Variants in VCL observed in about 807,000 individuals in gnomAD.
The protein encoded by VCL is vinculin, also known as epididymis luminal protein 114.
In VCL, 47 loss-of-function variants were observed where a neutral mutation model predicts 125.7. That is an observed-to-expected ratio of 0.37 (90% confidence interval 0.30 to 0.48). The LOEUF (loss-of-function observed/expected upper bound fraction) is 0.48. Among genes scored for constraint, VCL ranks in the 20% least tolerant of loss-of-function variants. The pLI, the probability that VCL is intolerant of heterozygous loss-of-function variation, is 0.99. For missense variants in VCL, 1,069 were observed against 1,455.5 expected (o/e 0.73, Z 4.32); for synonymous variants, 458 against 514.6 (o/e 0.89, Z 1.49).
At chr10:74,017,662 C>T (rs1293816955) in intron 1 of VCL, among the ~76,000 whole-genome samples, 1 of 151,742 alleles carries the variant, frequency 6.6e-6, no homozygotes, top group Non-Finnish European at 1.5e-5. Context: ...AAGCCATCCT[C>T]CCACCTCAGC....
intron 1 of VCL, among the ~76,000 whole-genome samples, chr10:74,021,490 A>G (rs1215763443): frequency 6.6e-6 from 1 of 152,206 alleles, no homozygotes; most frequent in Non-Finnish European, 1.5e-5. Flanking sequence ...TATGTAAGCC[A>G]TATGAATACT....
chr10:74,017,095 T>C (rs1444857488), intron 1 of VCL, among the ~76,000 whole-genome samples: 2 of 140,148 alleles, frequency 1.4e-5, no homozygotes, highest in Non-Finnish European at 3.0e-5. Context: ...TCGCCCAGGC[T>C]GGAGTGCAGT....
At chr10:74,039,853 G>A (rs545742182) in intron 1 of VCL, among the ~76,000 whole-genome samples, 35 of 152,264 alleles carry the variant, frequency 2.3e-4, no homozygotes, top group Non-Finnish European at 4.0e-4. Context: ...ACTGATAAAC[G>A]ATTCCAAATA....
rs141954933 is a variant in VCL at position 74,000,447 on chromosome 10, C to A, written c.168+2072C>A. Among the ~76,000 whole-genome samples the A allele has an allele frequency of 3.7e-4, 56 of 151,970 alleles. 1 individual carries two copies. In the East Asian group the frequency reaches 9.3e-3, roughly 25 times the overall value. On this transcript the variant is annotated intron_variant, in intron 1 of 21. Transcript: ENST00000211998. ...TTGTTTGTTTTTGAGATGGAGTCTT[C>A]CTCTGTCACGAGGCTGGAGTGCAGT...
At chr10:74,041,886 G>C (rs967738192) in intron 1 of VCL, among the ~76,000 whole-genome samples, 3 of 152,248 alleles carry the variant, frequency 2.0e-5, no homozygotes, top group Admixed American at 6.5e-5. Flanking sequence ...CTGGGCAACA[G>C]AGTGAGACTC....
chr10:74,019,636 G>C (rs1840623842), intron 1 of VCL, among the ~76,000 whole-genome samples: 1 of 152,172 alleles, frequency 6.6e-6, no homozygotes, highest in Non-Finnish European at 1.5e-5. Flanking sequence ...TCTGCAGCAT[G>C]TGTAGAGTAC....
chr10:74,004,538 C>T (rs1840284471), intron 1 of VCL, among the ~76,000 whole-genome samples: 3 of 152,082 alleles, frequency 2.0e-5, no homozygotes, highest in Non-Finnish European at 4.4e-5. Context: ...GAATCAGAAG[C>T]AACAGGAATG....
At chr10:74,009,768 C>T (rs999178615) in intron 1 of VCL, among the ~76,000 whole-genome samples, 1 of 151,850 alleles carries the variant, frequency 6.6e-6, no homozygotes, top group South Asian at 2.1e-4. Context: ...CGTCACCACA[C>T]CTGGCTAATT....
At chr10:74,049,214 C>T (rs139042214) in intron 2 of VCL, among the ~76,000 whole-genome samples, 9 of 151,858 alleles carry the variant, frequency 5.9e-5, no homozygotes, top group African/African-American at 1.9e-4. Context: ...TTTTTTTAAA[C>T]TTTCATTGAA....
chr10:74,022,633 G>A (rs944964654), intron 1 of VCL, among the ~76,000 whole-genome samples: 1 of 150,444 alleles, frequency 6.6e-6, no homozygotes, highest in Non-Finnish European at 1.5e-5. Context: ...TTCAGTGTCC[G>A]TAATGTCTTT....
At chr10:74,014,259 T>A (rs149848117) in intron 1 of VCL, among the ~76,000 whole-genome samples, 21 of 152,138 alleles carry the variant, frequency 1.4e-4, no homozygotes, top group African/African-American at 2.9e-4. Flanking sequence ...GGAGACAGGG[T>A]CTCACTCTGT....
rs753220379 is a variant in VCL, at chr10:74,094,394, C to T, written c.1476C>T (p.His492=). 13 of 1,614,174 alleles carry T rather than the reference C, an allele frequency of 8.1e-6. No individual in the cohort carries two copies. The South Asian group carries it at 8.8e-5, about 11-fold the overall frequency. The change falls in exon 11 of 22, where the codon CAC becomes CAT. Residue 492 remains histidine, a synonymous_variant. Coordinates refer to ENST00000211998, the MANE Select transcript of VCL (RefSeq NM_014000.3). ...GCAGACCGGCCAAAGCAGCTGTACA[C>T]CTTGAGGGCAAGATTGAGCAAGCAC... ...ANSRPAKAAV[H]LEGKIEQAQR...
intron 1 of VCL, among the ~76,000 whole-genome samples, chr10:74,040,380 G>A (rs1331092561): frequency 6.6e-6 from 1 of 152,128 alleles, no homozygotes; most frequent in Non-Finnish European, 1.5e-5. Context: ...AAATATAAGA[G>A]GAACTCACCT....
At chr10:74,073,533 A>G (rs1368138117) in intron 5 of VCL, among the ~76,000 whole-genome samples, 1 of 152,242 alleles carries the variant, frequency 6.6e-6, no homozygotes, top group Non-Finnish European at 1.5e-5. Flanking sequence ...TAGGAGCTGG[A>G]ATGGATATTA....
At chr10:74,022,606 AAATAAGTAAAT>A (rs1479557764) in intron 1 of VCL, among the ~76,000 whole-genome samples, 10 of 18,906 alleles carry the variant, frequency 5.3e-4, no homozygotes, top group African/African-American at 2.9e-3. Flanking sequence ...ATAAATAAAT[AAATAAGTAAAT>A]AAAACTTCAG....
At chr10:74,116,164 T>G (rs920578755) in intron 21 of VCL, among the ~76,000 whole-genome samples, 2 of 152,240 alleles carry the variant, frequency 1.3e-5, no homozygotes, top group Non-Finnish European at 2.9e-5. Flanking sequence ...CAACTGTTTC[T>G]GATCTCTAGG....
chr10:74,095,717 G>T lies in VCL; in HGVS notation c.1605G>T (p.Gly535=). ...EGHRLANVMM[G]PYRQDLLAKC... The stretch of plus-strand genomic sequence containing the variant: ...ATCGTCTGGCTAATGTTATGATGGG[G>T]CCTTATCGGCAAGATCTTCTCGCCA... Residue 535 remains glycine (G), a synonymous_variant, in exon 12 of 22, where the codon GGG becomes GGT. Coordinates refer to ENST00000211998, the MANE Select transcript of VCL (RefSeq NM_014000.3). The T allele has an allele frequency of 2.5e-6, 4 of 1,614,146 alleles. No individual in the cohort carries two copies. Among genetic ancestry groups the T allele is most frequent in the Non-Finnish European group, 3.4e-6 (4 of 1,180,034 alleles).
intron 1 of VCL, among the ~76,000 whole-genome samples, chr10:74,033,120 A>G (rs1259409180): frequency 6.6e-6 from 1 of 152,236 alleles, no homozygotes; most frequent in East Asian, 1.9e-4. Flanking sequence ...CCAAAAATGA[A>G]AACAACTCAG....
intron 2 of VCL, among the ~76,000 whole-genome samples, chr10:74,069,140 C>T (rs1841621176): frequency 6.6e-6 from 1 of 151,902 alleles, no homozygotes; most frequent in Non-Finnish European, 1.5e-5. Flanking sequence ...TCACTGCAAC[C>T]TCCACCTCTG....
Sources: gnomAD v4.1 joint callset for allele counts (sites outside exome capture counted in the v4.1 genomes callset) on GRCh38, gnomAD v4.1.1 for gene constraint, MANE v1.5 for transcripts, NCBI Gene and HGNC (gene_info 2026-07-23, HGNC 2026-07-21) for gene names.